The following GBE1 variants were observed in gnomAD, a reference collection of about 807,000 sequenced individuals.
GBE1 encodes the protein 1,4-alpha-glucan branching enzyme 1, also known as 1,4-alpha-glucan-branching enzyme.
Under a neutral mutation model 88.8 loss-of-function variants are expected in GBE1, and 70 were observed. The ratio of observed to expected loss-of-function variants is 0.79; its 90% CI spans 0.65 to 0.96. The LOEUF (loss-of-function observed/expected upper bound fraction) is 0.96, where lower values mean the gene tolerates loss of function less well. Among genes scored for constraint, GBE1 ranks in the 40% least tolerant of loss-of-function variants. The pLI is 0.00. For synonymous variants in GBE1, 284 were observed against 300.1 expected (o/e 0.95, Z 0.56); for missense variants, 872 against 871.0 (o/e 1.00, Z -0.01).
At chr3:81,679,785 AGTTC>A (rs1441966659) in intron 2 of GBE1, among the ~76,000 whole-genome samples, 1 of 152,192 alleles carries the variant, frequency 6.6e-6, no homozygotes, top group Non-Finnish European at 1.5e-5. Flanking sequence ...ATTGAAATGA[AGTTC>A]GTCAGGAGGC....
chr3:81,552,620 T>C (rs1703287823), intron 12 of GBE1, among the ~76,000 whole-genome samples: 1 of 151,132 alleles, frequency 6.6e-6, no homozygotes, highest in African/African-American at 2.4e-5. Context: ...CAGATTTCTA[T>C]ATTCCACATA....
chr3:81,570,223 T>C (rs1703554834), intron 12 of GBE1, among the ~76,000 whole-genome samples: 1 of 152,166 alleles, frequency 6.6e-6, no homozygotes, highest in African/African-American at 2.4e-5. Context: ...AAACAGAATG[T>C]TAAATTAGAA....
intron 15 of GBE1, among the ~76,000 whole-genome samples, chr3:81,496,104 A>T (rs1202215833): frequency 6.6e-6 from 1 of 152,206 alleles, no homozygotes; most frequent in East Asian, 1.9e-4. Context: ...ATATAGGTTA[A>T]CATATTAAGT....
intron 7 of GBE1, among the ~76,000 whole-genome samples, chr3:81,631,512 A>G (rs1256880143): frequency 6.6e-6 from 1 of 152,022 alleles, no homozygotes; most frequent in African/African-American, 2.4e-5. Context: ...CAAGGTGGGC[A>G]GATCACAAGG....
At chr3:81,580,966 T>C (rs879600516) in intron 11 of GBE1, among the ~76,000 whole-genome samples, 199 bp downstream of exon 11, 1 of 152,046 alleles carries the variant, frequency 6.6e-6, no homozygotes, top group Non-Finnish European at 1.5e-5. Flanking sequence ...AGTTTCTCCA[T>C]CTACAAATTT....
chr3:81,590,972 C>A, intron 9 of GBE1, 65 bp downstream of exon 9: 1 of 1,389,088 alleles, frequency 7.2e-7, no homozygotes, highest in African/African-American at 1.4e-5. Context: ...TAATCAAATA[C>A]TGTATGCTGA....
At chr3:81,604,366 C>G (rs1409013810) in intron 7 of GBE1, among the ~76,000 whole-genome samples, 2 of 143,362 alleles carry the variant, frequency 1.4e-5, no homozygotes, top group Non-Finnish European at 3.0e-5. Context: ...CATCTCACTA[C>G]ATCCTGGACC....
chr3:81,703,054 T>C (rs1705723828), intron 2 of GBE1, among the ~76,000 whole-genome samples: 2 of 151,952 alleles, frequency 1.3e-5, no homozygotes, highest in Non-Finnish European at 1.5e-5. Flanking sequence ...TTATAGTAGT[T>C]GGGTATCTTT....
chr3:81,727,874 A>G (rs1377113588), intron 1 of GBE1, among the ~76,000 whole-genome samples: 1 of 152,166 alleles, frequency 6.6e-6, no homozygotes, highest in Non-Finnish European at 1.5e-5. Context: ...AAAGTAACAG[A>G]TTCTTAAATG....
chr3:81,605,055 T>G (rs2106976869), intron 7 of GBE1, among the ~76,000 whole-genome samples: 1 of 152,230 alleles, frequency 6.6e-6, no homozygotes, highest in Non-Finnish European at 1.5e-5. Context: ...TATTGGTGAA[T>G]GTATGGCCTA....
chr3:81,753,921 C>T (rs1706568155), intron 1 of GBE1, among the ~76,000 whole-genome samples: 1 of 152,172 alleles, frequency 6.6e-6, no homozygotes, highest in African/African-American at 2.4e-5. Flanking sequence ...TATAAAACTT[C>T]TGCGCTGTGG....
chr3:81,734,034 C>T (rs1268508088), intron 1 of GBE1, among the ~76,000 whole-genome samples: 1 of 152,102 alleles, frequency 6.6e-6, no homozygotes, highest in Non-Finnish European at 1.5e-5. Context: ...TGATTAAGAG[C>T]ATTAGGTATA....
At chr3:81,619,036 T>C (rs1483201298) in intron 7 of GBE1, among the ~76,000 whole-genome samples, 1 of 152,160 alleles carries the variant, frequency 6.6e-6, no homozygotes, top group Non-Finnish European at 1.5e-5. Flanking sequence ...AGAAAATTAC[T>C]ATAATTTTGT....
chr3:81,756,926 A>G (rs1359420785), intron 1 of GBE1, among the ~76,000 whole-genome samples: 2 of 152,192 alleles, frequency 1.3e-5, no homozygotes, highest in Non-Finnish European at 2.9e-5. Flanking sequence ...ATATTAAGAA[A>G]ATATTAAATA....
chr3:81,590,248 G>A (rs1703859408), intron 9 of GBE1, among the ~76,000 whole-genome samples: 1 of 151,954 alleles, frequency 6.6e-6, no homozygotes, highest in Non-Finnish European at 1.5e-5. Flanking sequence ...CACCAACAAT[G>A]TAAAAACACA....
chr3:81,589,544 T>C (rs1375711387), intron 9 of GBE1, among the ~76,000 whole-genome samples: 1 of 151,506 alleles, frequency 6.6e-6, no homozygotes, highest in East Asian at 1.9e-4. Context: ...CCAAGTAATA[T>C]AAAGTAGGCT....
At chr3:81,681,543 C>T (rs1705342354) in intron 2 of GBE1, among the ~76,000 whole-genome samples, 1 of 152,182 alleles carries the variant, frequency 6.6e-6, no homozygotes, top group Non-Finnish European at 1.5e-5. Flanking sequence ...TCCCTCCTAA[C>T]CCTATAGCCA....
chr3:81,622,461 C>T (rs1170744841), intron 7 of GBE1, among the ~76,000 whole-genome samples: 1 of 152,160 alleles, frequency 6.6e-6, no homozygotes. Context: ...GTAGCTCAAC[C>T]ACATCTTTCT....
intron 1 of GBE1, among the ~76,000 whole-genome samples, chr3:81,746,263 G>A (rs903610631): frequency 4.6e-5 from 7 of 151,980 alleles, no homozygotes; most frequent in South Asian, 4.1e-4. Flanking sequence ...AATATAAAAC[G>A]TTTTAAGTTT....
Sources: allele counts gnomAD v4.1 joint callset (sites outside exome capture counted in the v4.1 genomes callset), GRCh38; gene constraint gnomAD v4.1.1; transcripts MANE v1.5; gene names NCBI Gene and HGNC (gene_info 2026-07-23, HGNC 2026-07-21).